The following TP63 variants were observed in gnomAD, a reference collection of about 807,000 sequenced individuals.
TP63 encodes tumor protein 63.
In TP63, 17 loss-of-function variants were observed where a neutral mutation model predicts 82.8. The ratio of observed to expected loss-of-function variants is 0.21; its 90% CI spans 0.14 to 0.31. The LOEUF is 0.31. Ranked by LOEUF, TP63 falls within the 10% of genes least tolerant of loss-of-function variation. The pLI is 1.00. For missense variants in TP63, 648 were observed against 895.3 expected (o/e 0.72, Z 3.52); for synonymous variants, 330 against 321.7 (o/e 1.03, Z -0.28).
intron 4 of TP63, among the ~76,000 whole-genome samples, chr3:189,811,122 A>G (rs115960456): frequency 6.6e-6 from 1 of 152,216 alleles, no homozygotes; most frequent in Non-Finnish European, 1.5e-5. Context: ...GAAAACCTGG[A>G]TTATGGTCTT....
At chr3:189,845,481 A>T (rs1235898994) in intron 4 of TP63, among the ~76,000 whole-genome samples, 1 of 152,150 alleles carries the variant, frequency 6.6e-6, no homozygotes, top group African/African-American at 2.4e-5. Flanking sequence ...GTTCCCAAAA[A>T]TCTATCAAAA....
At chr3:189,699,349 C>T (rs909304425) in intron 1 of TP63, among the ~76,000 whole-genome samples, 5 of 152,210 alleles carry the variant, frequency 3.3e-5, no homozygotes, top group Non-Finnish European at 5.9e-5. Context: ...CAAGTTTCCA[C>T]ATTCTACAAG....
In TP63 at chr3:189,841,724, T is replaced by C. The variant is rs145806288; in HGVS notation, c.580-22508T>C. Among the ~76,000 whole-genome samples the C allele has an allele frequency of 1.9e-3, 287 of 152,294 alleles. 3 individuals are homozygous for C. Among genetic ancestry groups the C allele is most frequent in the African/African-American group, 6.7e-3 (278 of 41,558 alleles). On this transcript the variant is annotated intron_variant, in intron 4 of 13. Transcript: ENST00000264731. The stretch of plus-strand genomic sequence containing the variant: ...CTGTTAGGAATGATGCAACCTTCAG[T>C]AGAGACCAGAGATTTAAGAATTCTA...
intron 1 of TP63, among the ~76,000 whole-genome samples, chr3:189,679,046 A>G (rs1321750064): frequency 6.6e-6 from 1 of 152,004 alleles, no homozygotes; most frequent in African/African-American, 2.4e-5. Flanking sequence ...GTTTAGATGA[A>G]CAGAGGTTGA....
chr3:189,793,113 T>G (rs767071724), intron 3 of TP63, among the ~76,000 whole-genome samples: 21 of 152,144 alleles, frequency 1.4e-4, no homozygotes, highest in Non-Finnish European at 2.4e-4. Context: ...GCTGTTGCCA[T>G]AGATTGCACT....
intron 3 of TP63, among the ~76,000 whole-genome samples, chr3:189,773,001 T>C (rs1360662459): frequency 6.6e-6 from 1 of 152,212 alleles, no homozygotes; most frequent in Admixed American, 6.5e-5. Flanking sequence ...TTTCCTTTTA[T>C]TCTGTGGTCC....
chr3:189,734,148 GTCCCTCCC>G (rs1212938307), intron 1 of TP63, among the ~76,000 whole-genome samples: 1 of 62,102 alleles, frequency 1.6e-5, no homozygotes, highest in Non-Finnish European at 2.8e-5. Context: ...CCCTCCCTCC[GTCCCTCCC>G]TCCCTCCCTC....
chr3:189,638,121 A>T (rs1398493173), intron 1 of TP63, among the ~76,000 whole-genome samples: 1 of 152,138 alleles, frequency 6.6e-6, no homozygotes, highest in East Asian at 1.9e-4. Context: ...ACGGCAAGAT[A>T]CTAACTTTGT....
chr3:189,663,195 G>C (rs998985997), intron 1 of TP63, among the ~76,000 whole-genome samples: 6 of 152,062 alleles, frequency 3.9e-5, no homozygotes, highest in African/African-American at 1.4e-4. Context: ...ACAAATATCA[G>C]TAAGTATCAA....
intron 1 of TP63, among the ~76,000 whole-genome samples, chr3:189,671,559 A>G (rs1275447988): frequency 2.0e-5 from 3 of 152,304 alleles, no homozygotes; most frequent in East Asian, 1.9e-4. Flanking sequence ...AGGAAAGAAA[A>G]TACATATATT....
chr3:189,719,577 A>G (rs1244900111), intron 1 of TP63, among the ~76,000 whole-genome samples: 1 of 152,176 alleles, frequency 6.6e-6, no homozygotes, highest in Non-Finnish European at 1.5e-5. Context: ...AATCAGATTG[A>G]ATATTTTCAG....
intron 1 of TP63, among the ~76,000 whole-genome samples, chr3:189,639,417 C>G (rs1227016068): frequency 6.7e-6 from 1 of 149,518 alleles, no homozygotes; most frequent in East Asian, 1.9e-4. Context: ...CTTGCTCCAT[C>G]CTTATTTTTA....
intron 10 of TP63, among the ~76,000 whole-genome samples, chr3:189,876,275 A>G (rs548673155): frequency 1.3e-5 from 2 of 152,352 alleles, no homozygotes; most frequent in Admixed American, 6.5e-5. Context: ...TTTTTATGGC[A>G]TACATGAAAA....
chr3:189,655,475 A>G (rs564173524), intron 1 of TP63, among the ~76,000 whole-genome samples: 39 of 152,212 alleles, frequency 2.6e-4, no homozygotes, highest in African/African-American at 9.4e-4. Context: ...AAATACAAAA[A>G]TTAGCTGGGC....
intron 1 of TP63, among the ~76,000 whole-genome samples, chr3:189,638,137 TTTAAG>T (rs1056159901): frequency 1.3e-5 from 2 of 152,118 alleles, no homozygotes; most frequent in Non-Finnish European, 2.9e-5. Context: ...TTTGTGCTAG[TTTAAG>T]CCACTAAATT....
intron 10 of TP63, chr3:189,881,199 G>C (rs1719877190): frequency 1.0e-6 from 1 of 985,234 alleles, no homozygotes; most frequent in Admixed American, 6.2e-5. Flanking sequence ...GAGTAAGTGA[G>C]ATCCAAGCAG....
chr3:189,853,295 C>T (rs1407764043), intron 4 of TP63, among the ~76,000 whole-genome samples: 3 of 152,206 alleles, frequency 2.0e-5, no homozygotes, highest in Non-Finnish European at 4.4e-5. Context: ...CTAGTGGCTT[C>T]CTATCTCACA....
Position 189,837,613 on chromosome 3 carries a change from A to G in TP63, c.580-26619A>G, listed in dbSNP as rs1286076095. ...AATAAACCATGAAAAAATGTTTAGC[A>G]TAAGGGAATCCCATGCAATAGTTAT... On this transcript the variant is annotated intron_variant, in intron 4 of 13. Coordinates refer to ENST00000264731, the MANE Select transcript of TP63 (RefSeq NM_003722.5). Among the ~76,000 whole-genome samples, 3 of 151,204 alleles carry G rather than the reference A, an allele frequency of 2.0e-5. No homozygotes were observed. The East Asian group carries it at 5.8e-4, about 29-fold the overall frequency.
chr3:189,710,050 A>G (rs757285573), intron 1 of TP63, among the ~76,000 whole-genome samples: 23 of 152,190 alleles, frequency 1.5e-4, no homozygotes, highest in Non-Finnish European at 2.8e-4. Flanking sequence ...TCAAGTACTT[A>G]TTTGAATTTG....
Sources: allele counts gnomAD v4.1 joint callset (sites outside exome capture counted in the v4.1 genomes callset), GRCh38; gene constraint gnomAD v4.1.1; transcripts MANE v1.5; gene names NCBI Gene and HGNC (gene_info 2026-07-23, HGNC 2026-07-21).